CACNA1C: variants seen among roughly 807,000 people sequenced by gnomAD.
The protein encoded by CACNA1C is voltage-dependent L-type calcium channel subunit alpha-1C.
CACNA1C carries 30 observed loss-of-function variants against 229.0 expected under a neutral mutation model. The observed-to-expected ratio is 0.13, with a 90% CI of 0.10 to 0.18. CACNA1C has a LOEUF of 0.18. CACNA1C is among the 10% of genes least tolerant of loss of function. CACNA1C has a pLI of 1.00. For synonymous variants in CACNA1C, 1,114 were observed against 1,132.5 expected, an observed-to-expected ratio of 0.98 and a Z score of 0.33; for missense variants, 1,658 against 2,845.0, an observed-to-expected ratio of 0.58 and a Z score of 9.49.
intron 3 of CACNA1C, among the ~76,000 whole-genome samples, chr12:2,360,981 G>T (rs533847283): frequency 6.6e-6 from 1 of 152,044 alleles, no homozygotes; most frequent in Non-Finnish European, 1.5e-5. Flanking sequence ...CTGGTCCCTT[G>T]GTGGCAGCAT....
At chr12:2,081,886 T>C (rs2065782411) in intron 1 of CACNA1C, among the ~76,000 whole-genome samples, 1 of 152,206 alleles carries the variant, frequency 6.6e-6, no homozygotes, top group Non-Finnish European at 1.5e-5. Flanking sequence ...ACATTGACCT[T>C]TGGGCACCAT....
At chr12:2,143,376 C>T (rs1367345305) in intron 3 of CACNA1C, among the ~76,000 whole-genome samples, 1 of 151,206 alleles carries the variant, frequency 6.6e-6, no homozygotes, top group Non-Finnish European at 1.5e-5. Flanking sequence ...ACCACTCACT[C>T]ACTGACTCAC....
chr12:2,065,142 G>T (rs192079858), intron 1 of CACNA1C, among the ~76,000 whole-genome samples: 24 of 152,316 alleles, frequency 1.6e-4, no homozygotes, highest in African/African-American at 5.8e-4. Context: ...GGAAGCTTCT[G>T]TTGCCATATC....
chr12:2,068,807 A>C (rs2238016), intron 1 of CACNA1C, among the ~76,000 whole-genome samples: 6,124 of 152,282 alleles, frequency 0.04, 367 homozygotes, highest in East Asian at 0.2. Context: ...ATGAACCTCA[A>C]GGGCAGCGCT....
At chr12:2,185,252 G>A (rs1298797652) in intron 3 of CACNA1C, among the ~76,000 whole-genome samples, 1 of 152,164 alleles carries the variant, frequency 6.6e-6, no homozygotes, top group Non-Finnish European at 1.5e-5. Flanking sequence ...GAGTTGTTCT[G>A]CAGGAGAGAA....
chr12:2,489,112 CT>C (rs2099708003), intron 6 of CACNA1C, among the ~76,000 whole-genome samples: 1 of 152,000 alleles, frequency 6.6e-6, no homozygotes, highest in African/African-American at 2.4e-5. Context: ...TTCTTTCTTT[CT>C]TTCTTTCTTT....
chr12:2,471,912 C>T (rs775885624), intron 5 of CACNA1C, among the ~76,000 whole-genome samples: 1 of 152,218 alleles, frequency 6.6e-6, no homozygotes, highest in Non-Finnish European at 1.5e-5. Context: ...AACTCCTGAC[C>T]TCGTGATCCA....
Position 2,141,042 on chromosome 12 carries a change from G to T in CACNA1C, c.477+20612G>T, listed in dbSNP as rs1431835171. ...GGGCTGAGAGGTGGTGACAAGATGG[G>T]CTGGCTCTGGGCAGACCTGGGGAGG... On this transcript the variant is annotated intron_variant, in intron 3 of 46. Coordinates refer to ENST00000399655, the MANE Select transcript of CACNA1C (RefSeq NM_000719.7). 2.0e-5 allele frequency among the ~76,000 whole-genome samples: 3 copies of T among 151,140 alleles called. 1 individual carries two copies. In the Admixed American group the frequency reaches 2.0e-4, roughly 10 times the overall value.
intron 3 of CACNA1C, among the ~76,000 whole-genome samples, chr12:2,199,133 C>T (rs2097510209): frequency 6.6e-6 from 1 of 152,138 alleles, no homozygotes; most frequent in Non-Finnish European, 1.5e-5. Context: ...ACACCATCCC[C>T]TCAACTCCCC....
intron 5 of CACNA1C, among the ~76,000 whole-genome samples, chr12:2,473,269 CCTACACAAACTT>C (rs780283396): frequency 1.4e-4 from 22 of 152,262 alleles, no homozygotes; most frequent in Non-Finnish European, 2.9e-4. Flanking sequence ...ACAGGCAACC[CCTACACAAACTT>C]CTAGGGCCCT....
intron 11 of CACNA1C, among the ~76,000 whole-genome samples, chr12:2,563,849 C>G (rs1232791067): frequency 6.6e-6 from 1 of 152,268 alleles, no homozygotes; most frequent in Non-Finnish European, 1.5e-5. Flanking sequence ...CAGCACGGAG[C>G]TGTCCCTGCC....
chr12:2,685,864 T>C, intron 44 of CACNA1C, 22 bp downstream of exon 44: 1 of 1,558,866 alleles, frequency 6.4e-7, no homozygotes, highest in Non-Finnish European at 8.9e-7. Flanking sequence ...GCTCGCTCTC[T>C]GGATGTGGTC....
intron 10 of CACNA1C, 36 bp from the exon 11 acceptor site, chr12:2,556,915 T>A: frequency 2.5e-6 from 4 of 1,594,118 alleles, no homozygotes; most frequent in Non-Finnish European, 3.4e-6. Context: ...CACGTGTGTG[T>A]CCATCCTTTG....
At chr12:2,555,883 C>G (rs1013414516) in intron 10 of CACNA1C, among the ~76,000 whole-genome samples, 1 of 152,128 alleles carries the variant, frequency 6.6e-6, no homozygotes, top group Non-Finnish European at 1.5e-5. Context: ...CGCGCTGGGA[C>G]GTCGCAGGCC....
At chr12:2,109,114 A>C (rs1232896036) in intron 1 of CACNA1C, among the ~76,000 whole-genome samples, 1 of 152,112 alleles carries the variant, frequency 6.6e-6, no homozygotes, top group Non-Finnish European at 1.5e-5. Flanking sequence ...GTGTCTACGA[A>C]GGTGGAGGAG....
At chr12:2,557,841 C>G (rs1385606617) in intron 11 of CACNA1C, among the ~76,000 whole-genome samples, 1 of 152,184 alleles carries the variant, frequency 6.6e-6, no homozygotes, top group Non-Finnish European at 1.5e-5. Context: ...CTGCATGCCT[C>G]CAGGGGTTAT....
intron 3 of CACNA1C, among the ~76,000 whole-genome samples, chr12:2,176,050 C>T (rs1485183807): frequency 6.6e-6 from 1 of 151,982 alleles, no homozygotes; most frequent in African/African-American, 2.4e-5. Context: ...ATATTTAGTT[C>T]AGGGATGATA....
chr12:2,197,440 C>CTG (rs2097442423), intron 3 of CACNA1C, among the ~76,000 whole-genome samples: 3 of 152,180 alleles, frequency 2.0e-5, no homozygotes, highest in Admixed American at 1.3e-4. Flanking sequence ...CTGACACAAA[C>CTG]TGTGTTTCCC....
chr12:2,384,186 T>TC, intron 3 of CACNA1C, among the ~76,000 whole-genome samples: 1 of 152,264 alleles, frequency 6.6e-6, no homozygotes, highest in South Asian at 2.1e-4. Flanking sequence ...CGCAGGTGAC[T>TC]CATCTGCATG....
Sources: gnomAD v4.1 joint callset for allele counts (sites outside exome capture counted in the v4.1 genomes callset) on GRCh38, gnomAD v4.1.1 for gene constraint, MANE v1.5 for transcripts, NCBI Gene and HGNC (gene_info 2026-07-23, HGNC 2026-07-21) for gene names.